TMPRSS4: variants seen among roughly 807,000 people sequenced by gnomAD.
The protein encoded by TMPRSS4 is transmembrane serine protease 4.
TMPRSS4 carries 45 observed loss-of-function variants against 56.4 expected under a neutral mutation model. The ratio of observed to expected loss-of-function variants is 0.80; its 90% confidence interval spans 0.63 to 1.02. The LOEUF (loss-of-function observed/expected upper bound fraction) is 1.02, where lower values mean the gene tolerates loss of function less well. Ranked by LOEUF, TMPRSS4 falls within the 50% of genes least tolerant of loss-of-function variation. The pLI is 0.00. For synonymous variants in TMPRSS4, 205 were observed against 211.0 expected, an observed-to-expected ratio of 0.97 and a Z score of 0.25; for missense variants, 546 against 556.7, an observed-to-expected ratio of 0.98 and a Z score of 0.19.
intron 7 of TMPRSS4, among the ~76,000 whole-genome samples, chr11:118,110,269 T>C (rs1947210571): frequency 6.6e-6 from 1 of 152,118 alleles, no homozygotes; most frequent in South Asian, 2.1e-4. Context: ...CCAACCTTTT[T>C]GGCACAAGAG....
intron 1 of TMPRSS4, among the ~76,000 whole-genome samples, chr11:118,084,370 A>G (rs557565643): frequency 6.6e-6 from 1 of 152,372 alleles, no homozygotes; most frequent in South Asian, 2.1e-4. Flanking sequence ...GTGGGCAGGA[A>G]AGCAGTAAAG....
At chr11:118,077,438 C>T (rs1944741941) in intron 1 of TMPRSS4, 133 bp downstream of exon 1, 1 of 1,071,444 alleles carries the variant, frequency 9.3e-7, no homozygotes, top group East Asian at 2.8e-5. Context: ...AGGCCACACC[C>T]AAATCCCCTC....
intron 3 of TMPRSS4, 138 bp from the exon 4 acceptor site, chr11:118,102,963 C>A: frequency 8.6e-7 from 1 of 1,167,072 alleles, no homozygotes; most frequent in Non-Finnish European, 1.2e-6. Flanking sequence ...AGTCTGTGTG[C>A]TACCAAGTAG....
chr11:118,081,584 G>C (rs1374951238), intron 1 of TMPRSS4, among the ~76,000 whole-genome samples: 1 of 152,248 alleles, frequency 6.6e-6, no homozygotes, highest in African/African-American at 2.4e-5. Context: ...TGAGAGACAT[G>C]ATGGCCCCTG....
chr11:118,117,787 A>G, intron 12 of TMPRSS4, 115 bp from the exon 13 acceptor site: 1 of 1,599,046 alleles, frequency 6.3e-7, no homozygotes, highest in Non-Finnish European at 8.5e-7. Context: ...GGCCCTCTGC[A>G]GGGTAGGGAG....
chr11:118,082,959 C>T (rs953040727), intron 1 of TMPRSS4, among the ~76,000 whole-genome samples: 1 of 152,172 alleles, frequency 6.6e-6, no homozygotes, highest in Non-Finnish European at 1.5e-5. Flanking sequence ...AAATCAAATG[C>T]AGAATCCTCG....
intron 7 of TMPRSS4, 77 bp from the exon 8 acceptor site, chr11:118,111,664 T>G (rs12290182): frequency 0.023 from 28,901 of 1,266,856 alleles, 1,992 homozygotes; most frequent in African/African-American, 0.22. Context: ...TAGAGCAGAT[T>G]TTGGGTGCTG....
At chr11:118,115,932 C>T (rs1269253279) in intron 11 of TMPRSS4, among the ~76,000 whole-genome samples, 2 of 152,126 alleles carry the variant, frequency 1.3e-5, no homozygotes, top group Non-Finnish European at 2.9e-5. Flanking sequence ...TCTATTTTCT[C>T]TGTGACTCTC....
At chr11:118,097,466 T>C (rs1312401462) in intron 2 of TMPRSS4, among the ~76,000 whole-genome samples, 1 of 152,116 alleles carries the variant, frequency 6.6e-6, no homozygotes, top group African/African-American at 2.4e-5. Flanking sequence ...GGAGAGCCGG[T>C]CCGTTGCTTT....
In TMPRSS4 at chr11:118,114,902, A is replaced by G; in HGVS notation, c.984A>G (p.Gly328=). 1 of 1,605,536 alleles carries G rather than the reference A, an allele frequency of 6.2e-7. No individual in the cohort carries two copies. Among genetic ancestry groups the G allele is most frequent in the Non-Finnish European group, 8.5e-7 (1 of 1,176,004 alleles). ...CAGCCACCCCACTCTGGATCATTGGATGGGGCTTTACGAAGCAGAATGGAG... is the reference window on the plus strand; with the variant it reads ...CAGCCACCCCACTCTGGATCATTGGGTGGGGCTTTACGAAGCAGAATGGAG... ...LTPATPLWII[G]WGFTKQNGGK... is the part of the protein sequence containing the mutation. The change falls in exon 10 of 13, where the codon GGA becomes GGG. Residue 328 remains glycine, a synonymous_variant. Coordinates refer to ENST00000437212, the MANE Select transcript of TMPRSS4 (RefSeq NM_019894.4).
downstream of TMPRSS4, chr11:118,125,456 A>G (rs557470058): frequency 2.4e-6 from 1 of 424,346 alleles, no homozygotes; most frequent in East Asian, 7.2e-5. Flanking sequence ...TGTCCCCCTT[A>G]TGCCCATTTC....
intron 3 of TMPRSS4, 111 bp from the exon 4 acceptor site, chr11:118,102,990 A>G: frequency 7.1e-7 from 1 of 1,418,394 alleles, no homozygotes; most frequent in Admixed American, 1.9e-5. Flanking sequence ...TGAGCCTGGA[A>G]CTCACACATG....
intron 1 of TMPRSS4, among the ~76,000 whole-genome samples, chr11:118,091,774 A>C (rs1945982764): frequency 6.6e-6 from 1 of 152,212 alleles, no homozygotes; most frequent in African/African-American, 2.4e-5. Context: ...AGGACTTTGT[A>C]AACTGTTACA....
chr11:118,097,016 GAAAGAAA>G (rs1946421067), intron 2 of TMPRSS4, among the ~76,000 whole-genome samples: 1 of 62,778 alleles, frequency 1.6e-5, no homozygotes, highest in Non-Finnish European at 3.4e-5. Flanking sequence ...AAGAAAGAAA[GAAAGAAA>G]GAAAGAAAGA....
intron 1 of TMPRSS4, among the ~76,000 whole-genome samples, chr11:118,087,861 C>A (rs1450607374): frequency 6.6e-6 from 1 of 152,174 alleles, no homozygotes; most frequent in East Asian, 1.9e-4. Flanking sequence ...AGAACAAATG[C>A]TAATATCAAT....
At position 118,102,537 on chromosome 11, in the gene TMPRSS4, G is replaced by A. The variant is rs550201072; in HGVS notation, c.158-564G>A. On this transcript the variant is annotated intron_variant, in intron 3 of 12. Coordinates refer to ENST00000437212, the MANE Select transcript of TMPRSS4 (RefSeq NM_019894.4). The stretch of plus-strand genomic sequence containing the variant: ...AGCCCAGCCAACATGGTGAAACCCC[G>A]TCACTACTAAAAATACAAAAAATTA... Among the ~76,000 whole-genome samples the A allele has an allele frequency of 9.9e-4, 151 of 152,136 alleles. 2 individuals carry two copies. The highest frequency in any genetic ancestry group is 1.6e-3 in the Non-Finnish European group (108 of 67,984).
chr11:118,108,383 A>G (rs1947104726), intron 6 of TMPRSS4: 1 of 167,202 alleles, frequency 6.0e-6, no homozygotes, highest in Non-Finnish European at 1.3e-5. Flanking sequence ...ACTGTGGCAA[A>G]GTGGCTCAGA....
In TMPRSS4 at chr11:118,117,369, G is replaced by C; in HGVS notation, c.1217G>C (p.Trp406Ser). The C allele has an allele frequency of 6.2e-7, 1 of 1,614,050 alleles. No individual in the cohort carries two copies. The highest frequency in any genetic ancestry group is 1.1e-5 in the South Asian group (1 of 91,084). The stretch of plus-strand genomic sequence containing the variant: ...TGGCATGTGGTGGGCATCGTTAGTT[G>C]GGGCTATGGCTGCGGGGGCCCGAGC... The part of the protein sequence containing the change: ...DQWHVVGIVS[W>S]GYGCGGPSTP... The change falls in exon 12 of 13, where the codon TGG (tryptophan) becomes TCG (serine). Residue 406 changes from tryptophan (W) to serine (S), a missense_variant. Transcript: ENST00000437212.
intron 11 of TMPRSS4, 139 bp downstream of exon 11, chr11:118,115,419 G>C: frequency 9.3e-7 from 1 of 1,076,468 alleles, no homozygotes; most frequent in Admixed American, 2.8e-5. Flanking sequence ...GAGGAAGAGA[G>C]GGAGGGAAGG....
Sources: allele counts gnomAD v4.1 joint callset (sites outside exome capture counted in the v4.1 genomes callset), GRCh38; gene constraint gnomAD v4.1.1; transcripts MANE v1.5; gene names NCBI Gene and HGNC (gene_info 2026-07-23, HGNC 2026-07-21).